The following HNF1B variants were observed in gnomAD, a reference collection of about 807,000 sequenced individuals.
The protein encoded by HNF1B is HNF1 homeobox B.
In HNF1B, 8 loss-of-function variants were observed where a neutral mutation model predicts 61.7. That is an observed-to-expected ratio of 0.13 (90% CI 0.08 to 0.23). HNF1B has a LOEUF of 0.23. HNF1B is among the 10% of genes least tolerant of loss of function. The pLI, the probability that HNF1B is intolerant of heterozygous loss-of-function variation, is 1.00. For missense variants in HNF1B, 562 were observed against 714.5 expected (o/e 0.79, Z 2.43); for synonymous variants, 314 against 287.7 (o/e 1.09, Z -0.93).
intron 8 of HNF1B, among the ~76,000 whole-genome samples, chr17:37,691,135 G>A (rs1429146465): frequency 6.6e-6 from 1 of 152,188 alleles, no homozygotes; most frequent in African/African-American, 2.4e-5. Flanking sequence ...AGAGACAGAG[G>A]TTGAAAAGTA....
intron 8 of HNF1B, among the ~76,000 whole-genome samples, chr17:37,696,310 G>A (rs867524489): frequency 1.4e-4 from 21 of 152,128 alleles, no homozygotes; most frequent in African/African-American, 3.6e-4. Context: ...TGTGGTGTGC[G>A]CCTGTAGTCT....
chr17:37,703,228 C>T (rs946521520), intron 6 of HNF1B, among the ~76,000 whole-genome samples: 1 of 152,178 alleles, frequency 6.6e-6, no homozygotes, highest in Non-Finnish European at 1.5e-5. Flanking sequence ...TCTGTCTACC[C>T]CAAGTGTACA....
intron 5 of HNF1B, among the ~76,000 whole-genome samples, chr17:37,708,118 A>T (rs140837105): frequency 9.8e-4 from 149 of 152,282 alleles, no homozygotes; most frequent in African/African-American, 3.4e-3. Context: ...ACTGCTGGTG[A>T]ATGACCGAGC....
chr17:37,737,622 C>G (rs2033869226), intron 2 of HNF1B, among the ~76,000 whole-genome samples: 1 of 150,836 alleles, frequency 6.6e-6, no homozygotes. Flanking sequence ...GTCAGGAGAT[C>G]AAGACCAGCC....
intron 4 of HNF1B, among the ~76,000 whole-genome samples, chr17:37,719,113 ATAT>A (rs146723727): frequency 0.84 from 125,090 of 149,788 alleles, 52,460 homozygotes; most frequent in African/African-American, 0.91. Flanking sequence ...TAATTTATTA[ATAT>A]TATTATTATT....
chr17:37,695,519 C>T (rs2032355571), intron 8 of HNF1B, among the ~76,000 whole-genome samples: 1 of 152,254 alleles, frequency 6.6e-6, no homozygotes, highest in Admixed American at 6.5e-5. Flanking sequence ...CCTAATGGAG[C>T]TGTGGGAATG....
rs536972104 is a variant in HNF1B, at chr17:37,745,033, T to G, written c.-149A>C. The G allele has an allele frequency of 1.2e-4, 80 of 677,986 alleles. No homozygotes were observed. The African/African-American group carries it at 1.4e-3, about 12-fold the overall frequency. The allele number at this position is 677,986 out of a possible 1,614,324, so 42.0% of individuals were successfully genotyped here. A position where few individuals can be genotyped will look rare whatever the true frequency, so the allele number is the denominator to read the frequency against. The stretch of plus-strand genomic sequence containing the variant: ...TGTTACTCCCCGGGGTCCCGGAGGC[T>G]CCTCCGAAAGGAGTCAGAAAACTTC... On this transcript the variant is annotated 5_prime_UTR_variant, in exon 1 of 9. Coordinates refer to ENST00000617811, the MANE Select transcript of HNF1B (RefSeq NM_000458.4).
chr17:37,692,593 G>C (rs1055437449), intron 8 of HNF1B, among the ~76,000 whole-genome samples: 1 of 151,168 alleles, frequency 6.6e-6, no homozygotes, highest in South Asian at 2.1e-4. Flanking sequence ...CAAAAAACAC[G>C]GGTTCTGCAT....
chr17:37,710,750 G>T, intron 4 of HNF1B, 87 bp from the exon 5 acceptor site: 1 of 1,364,910 alleles, frequency 7.3e-7, no homozygotes, highest in East Asian at 2.5e-5. Context: ...TTCAAGGGTG[G>T]GTAATAAGAA....
At chr17:37,740,632 T>C (rs536511434) in intron 1 of HNF1B, among the ~76,000 whole-genome samples, 1 of 149,882 alleles carries the variant, frequency 6.7e-6, no homozygotes, top group Non-Finnish European at 1.5e-5. Flanking sequence ...GTGAGGCAAG[T>C]AGTTAAAAAA....
intron 4 of HNF1B, among the ~76,000 whole-genome samples, chr17:37,719,570 A>T (rs62073542): frequency 6.6e-6 from 1 of 152,130 alleles, no homozygotes. Flanking sequence ...TCTGGCTCCC[A>T]GGGTCTGGTA....
intron 8 of HNF1B, among the ~76,000 whole-genome samples, chr17:37,696,179 T>C (rs1374377180): frequency 6.6e-6 from 1 of 152,088 alleles, no homozygotes; most frequent in Non-Finnish European, 1.5e-5. Flanking sequence ...GCATGGTGGC[T>C]CACACCTGTA....
chr17:37,702,286 G>C (rs1348243582), intron 6 of HNF1B, among the ~76,000 whole-genome samples: 1 of 152,186 alleles, frequency 6.6e-6, no homozygotes, highest in African/African-American at 2.4e-5. Flanking sequence ...CATCAATGGA[G>C]ATAACACGGA....
intron 8 of HNF1B, among the ~76,000 whole-genome samples, chr17:37,688,322 T>G (rs1387553807): frequency 6.6e-6 from 1 of 151,834 alleles, no homozygotes. Flanking sequence ...CTTTTGCTTT[T>G]GCCGGCATCT....
chr17:37,700,660 C>T (rs767411832), intron 7 of HNF1B, among the ~76,000 whole-genome samples: 7 of 152,114 alleles, frequency 4.6e-5, no homozygotes, highest in Non-Finnish European at 8.8e-5. Flanking sequence ...GGTTTATGGA[C>T]GCGATCTTTT....
intron 7 of HNF1B, among the ~76,000 whole-genome samples, chr17:37,700,536 T>C (rs368115515): frequency 3.3e-5 from 5 of 152,212 alleles, no homozygotes; most frequent in African/African-American, 1.2e-4. Flanking sequence ...TCTTCTCTTT[T>C]AGGGAAGGCA....
At chr17:37,715,211 G>T (rs961919092) in intron 4 of HNF1B, among the ~76,000 whole-genome samples, 1 of 152,000 alleles carries the variant, frequency 6.6e-6, no homozygotes, top group Non-Finnish European at 1.5e-5. Context: ...GCACGCTGAT[G>T]ATATGTTTAC....
chr17:37,725,188 C>T (rs1416603001), intron 4 of HNF1B, among the ~76,000 whole-genome samples: 1 of 152,208 alleles, frequency 6.6e-6, no homozygotes, highest in African/African-American at 2.4e-5. Context: ...CCATAAGCTG[C>T]AGGCCAGGGC....
At chr17:37,743,389 G>GAAGAACCTCAAACCTATGAATTATACC (rs1483478555) in intron 1 of HNF1B, among the ~76,000 whole-genome samples, 2 of 152,258 alleles carry the variant, frequency 1.3e-5, no homozygotes, top group Non-Finnish European at 2.9e-5. Context: ...AGCGACGAGG[G>GAAGAACCTCAAACCTATGAATTATACC]AAGAACCTCA....
Sources: allele counts gnomAD v4.1 joint callset (sites outside exome capture counted in the v4.1 genomes callset), GRCh38; gene constraint gnomAD v4.1.1; transcripts MANE v1.5; gene names NCBI Gene and HGNC (gene_info 2026-07-23, HGNC 2026-07-21).